The following TMEM272 variants were observed in gnomAD, a reference collection of about 807,000 sequenced individuals.
TMEM272 encodes long intergenic non-protein coding RNA 282.
In TMEM272, 8 loss-of-function variants were observed where a neutral mutation model predicts 3.7. The ratio of observed to expected loss-of-function variants is 2.17; its 90% CI spans 1.27 to 3.91. The LOEUF (loss-of-function observed/expected upper bound fraction) is 3.91. Among genes scored for constraint, TMEM272 ranks in the 30% most tolerant of loss-of-function variants. The pLI is 0.00. For missense variants in TMEM272, 166 were observed against 91.5 expected, an observed-to-expected ratio of 1.81 and a Z score of -3.32; for synonymous variants, 63 against 39.8, an observed-to-expected ratio of 1.58 and a Z score of -2.20.
the TMEM272 span, among the ~76,000 whole-genome samples, chr13:51,869,493 T>TC: frequency 7.3e-6 from 1 of 137,374 alleles, no homozygotes; most frequent in South Asian, 2.1e-4. Context: ...ATTCAGTAAT[T>TC]TTTTTTTTTT....
Position 51,815,941 on chromosome 13 carries a change from A to G in TMEM272, c.*810T>C, listed in dbSNP as rs1956019188. 6.6e-6 allele frequency: 1 copy of G among 152,318 alleles called. No individual in the cohort carries two copies. Among genetic ancestry groups the G allele is most frequent in the Admixed American group, 6.5e-5 (1 of 15,288 alleles). 9.4% of individuals were successfully genotyped at this position (152,318 alleles called of 1,614,324 possible). Reference sequence around the variant, plus strand: ...ACCCCAACTCATGCAACCTGTCCAGAAACATACAAAACTGGTTTATGCCAC... The same window carrying G: ...ACCCCAACTCATGCAACCTGTCCAGGAACATACAAAACTGGTTTATGCCAC... On this transcript the variant is annotated 3_prime_UTR_variant, in exon 5 of 5. Coordinates refer to ENST00000629372, the MANE Select transcript of TMEM272 (RefSeq NM_001351003.2).
At chr13:51,838,364 C>G (rs1282166915) in intron 2 of TMEM272, 109 bp downstream of exon 2, 1 of 696,116 alleles carries the variant, frequency 1.4e-6, no homozygotes, top group African/African-American at 1.7e-5. Context: ...GGGGCCACCC[C>G]ATACCAAGCA....
intron 4 of TMEM272, among the ~76,000 whole-genome samples, chr13:51,817,759 G>C (rs1956046714): frequency 6.6e-6 from 1 of 152,096 alleles, no homozygotes; most frequent in South Asian, 2.1e-4. Flanking sequence ...CATCTTTCAA[G>C]TCAAGAGCAC....
At chr13:51,895,973 A>G in the TMEM272 span, among the ~76,000 whole-genome samples, 137,835 of 152,260 alleles carry the variant, frequency 0.91, 62,915 homozygotes, top group East Asian at 0.97. Context: ...CTCTTCTAAC[A>G]GCTGCCTGAC....
intron 4 of TMEM272, among the ~76,000 whole-genome samples, chr13:51,821,311 A>G (rs898266202): frequency 6.6e-6 from 1 of 152,224 alleles, no homozygotes; most frequent in Admixed American, 6.5e-5. Context: ...GTTGATAGAC[A>G]GAGGCTGACC....
At chr13:51,832,203 T>C (rs768285586) in intron 2 of TMEM272, among the ~76,000 whole-genome samples, 2 of 152,148 alleles carry the variant, frequency 1.3e-5, no homozygotes, top group Non-Finnish European at 2.9e-5. Flanking sequence ...CTGCCCGTGA[T>C]TGTCAGAGGG....
chr13:51,876,017 C>T, the TMEM272 span, among the ~76,000 whole-genome samples: 3 of 152,204 alleles, frequency 2.0e-5, no homozygotes, highest in African/African-American at 4.8e-5. Flanking sequence ...TTTCCTAGAG[C>T]GGATCTCTTT....
the TMEM272 span, among the ~76,000 whole-genome samples, chr13:51,917,030 C>T: frequency 0.011 from 1,744 of 152,320 alleles, 36 homozygotes; most frequent in African/African-American, 0.041. Flanking sequence ...CCCGTTAACG[C>T]TAACCTGTGG....
In TMEM272 at chr13:51,817,109, G is replaced by C. The variant is rs1281909383; in HGVS notation, c.206C>G (p.Ser69Cys). Residue 69 changes from serine to cysteine, a missense_variant, in exon 5 of 5, where the codon TCT becomes TGT. Physicochemically the swap from Ser to Cys is moderately radical, Grantham distance 112. Coordinates refer to ENST00000629372, the MANE Select transcript of TMEM272 (RefSeq NM_001351003.2). ...CCTGGTGGAGTCGTACAACAGGAGA[G>C]ACACCTGGGGCGTGGTGGGGAGCCA... ...VGGIVGTLKV[S>C]LLLYDSTRMR... The C allele has an allele frequency of 5.7e-5, 40 of 699,168 alleles. No individual in the cohort carries two copies. Among genetic ancestry groups the C allele is most frequent in the Non-Finnish European group, 1.0e-4 (39 of 381,856 alleles). 43.3% of individuals were successfully genotyped at this position (699,168 alleles called of 1,614,324 possible).
chr13:51,918,948 C>T, the TMEM272 span, among the ~76,000 whole-genome samples: 1 of 151,834 alleles, frequency 6.6e-6, no homozygotes, highest in Non-Finnish European at 1.5e-5. Flanking sequence ...ATGACCGGCC[C>T]CATAATTAGA....
the TMEM272 span, chr13:51,862,148 A>G: frequency 6.6e-6 from 1 of 152,284 alleles, no homozygotes; most frequent in African/African-American, 2.4e-5. Flanking sequence ...GCAAGCACGC[A>G]TCACTGGGGA....
the TMEM272 span, among the ~76,000 whole-genome samples, chr13:51,926,096 GGTGTGTGTGGTGT>G: frequency 2.6e-5 from 4 of 151,508 alleles, no homozygotes; most frequent in East Asian, 3.9e-4. Context: ...TGTGGTATGT[GGTGTGTGTGGTGT>G]GTGTGTGTGG....
chr13:51,882,027 A>C, the TMEM272 span, among the ~76,000 whole-genome samples: 1 of 152,204 alleles, frequency 6.6e-6, no homozygotes, highest in African/African-American at 2.4e-5. Context: ...GACAACGATA[A>C]AGAAAAATTT....
At chr13:51,911,275 T>C in the TMEM272 span, among the ~76,000 whole-genome samples, 1 of 152,212 alleles carries the variant, frequency 6.6e-6, no homozygotes, top group Admixed American at 6.5e-5. Flanking sequence ...TGAGGCAGAT[T>C]ATGCTTTTTA....
At chr13:51,896,509 G>C in the TMEM272 span, among the ~76,000 whole-genome samples, 1 of 152,170 alleles carries the variant, frequency 6.6e-6, no homozygotes, top group African/African-American at 2.4e-5. Context: ...GCAGGTCCTG[G>C]TTCTGCAGTC....
At chr13:51,843,015 C>T (rs1956275414) in intron 1 of TMEM272, among the ~76,000 whole-genome samples, 1 of 152,150 alleles carries the variant, frequency 6.6e-6, no homozygotes, top group African/African-American at 2.4e-5. Flanking sequence ...TCCAGTGCCA[C>T]CAGCAATATG....
chr13:51,831,889 C>A (rs1381540744), intron 2 of TMEM272, among the ~76,000 whole-genome samples: 1 of 152,232 alleles, frequency 6.6e-6, no homozygotes. Context: ...ATGAGAGTCT[C>A]CATCTAGAAA....
chr13:51,828,136 T>G (rs1956143646), intron 2 of TMEM272, among the ~76,000 whole-genome samples: 2 of 152,350 alleles, frequency 1.3e-5, no homozygotes, highest in Admixed American at 1.3e-4. Context: ...CCACCCTTGA[T>G]GCTAAACTAC....
chr13:51,889,992 G>A, the TMEM272 span, among the ~76,000 whole-genome samples: 4 of 152,108 alleles, frequency 2.6e-5, no homozygotes, highest in African/African-American at 4.8e-5. Context: ...CAATTAAAAC[G>A]GGGTGCATGG....
Sources: allele counts gnomAD v4.1 joint callset (sites outside exome capture counted in the v4.1 genomes callset), GRCh38; gene constraint gnomAD v4.1.1; transcripts MANE v1.5; gene names NCBI Gene and HGNC (gene_info 2026-07-23, HGNC 2026-07-21).